ARNT2: variants seen among roughly 807,000 people sequenced by gnomAD.
ARNT2 encodes the protein aryl hydrocarbon receptor nuclear translocator 2, also known as ARNT protein 2.
Under a neutral mutation model 91.7 loss-of-function variants are expected in ARNT2, and 36 were observed. The observed-to-expected ratio is 0.39, with a 90% CI of 0.30 to 0.52. The LOEUF is 0.52. Among genes scored for constraint, ARNT2 ranks in the 20% least tolerant of loss-of-function variants. ARNT2 has a pLI of 0.72. For synonymous variants in ARNT2, 365 were observed against 347.1 expected, an observed-to-expected ratio of 1.05 and a Z score of -0.57; for missense variants, 775 against 939.3, an observed-to-expected ratio of 0.83 and a Z score of 2.29.
chr15:80,597,243 T>G lies in ARNT2; in HGVS notation c.*3545T>G, dbSNP rs750532044. ...TCCCGGCAGCACTTTAGGCAGCCCA[T>G]AAGCTATGCGAGAATGTGAACGCTC... On this transcript the variant is annotated 3_prime_UTR_variant, in exon 19 of 19. Transcript: ENST00000303329. 3 of 518,300 alleles carry G rather than the reference T, an allele frequency of 5.8e-6. No individual in the cohort carries two copies. Among genetic ancestry groups the G allele is most frequent in the Non-Finnish European group, 7.7e-6 (2 of 259,808 alleles). The allele number at this position is 518,300 out of a possible 1,614,324, so 32.1% of individuals were successfully genotyped here.
chr15:80,419,654 AC>A (rs1183680614), intron 1 of ARNT2, among the ~76,000 whole-genome samples: 1 of 151,930 alleles, frequency 6.6e-6, no homozygotes, highest in African/African-American at 2.4e-5. Flanking sequence ...GCCCTGGGAC[AC>A]CCCTACCTTT....
chr15:80,438,143 T>G (rs1896122030), intron 1 of ARNT2, among the ~76,000 whole-genome samples: 1 of 152,232 alleles, frequency 6.6e-6, no homozygotes, highest in African/African-American at 2.4e-5. Flanking sequence ...TTTTATTTAT[T>G]AGGATTCCTC....
At chr15:80,549,050 G>A (rs184934401) in intron 8 of ARNT2, among the ~76,000 whole-genome samples, 116 of 152,090 alleles carry the variant, frequency 7.6e-4, no homozygotes, top group African/African-American at 2.6e-3. Flanking sequence ...ATAGACAATT[G>A]GGCAGTGCAA....
rs144139009 is a variant in ARNT2 at position 80,540,739 on chromosome 15, C to T, written c.878-10460C>T. Among the ~76,000 whole-genome samples, 309 of 152,200 alleles carry T rather than the reference C, an allele frequency of 2.0e-3. 7 individuals are homozygous for T. The East Asian group carries it at 0.032, about 16-fold the overall frequency. ...TTTAGTTCCCACTTATAAGTGAGAA[C>T]ATGTGGTATTTGGCTCTCTGTTCCT... On this transcript the variant is annotated intron_variant, in intron 8 of 18. Transcript: ENST00000303329.
chr15:80,500,519 A>G (rs1897176767), intron 5 of ARNT2, among the ~76,000 whole-genome samples: 3 of 152,144 alleles, frequency 2.0e-5, no homozygotes, highest in African/African-American at 7.2e-5. Flanking sequence ...GAGAATTTTT[A>G]TGTGCACAAA....
chr15:80,404,597 C>T lies in ARNT2; in HGVS notation c.31+51C>T, dbSNP rs1476565936. 10 of 1,035,292 alleles carry T rather than the reference C, an allele frequency of 9.7e-6. No homozygotes were observed. The highest frequency in any genetic ancestry group is 1.2e-5 in the Non-Finnish European group (10 of 863,092). The allele number at this position is 1,035,292 out of a possible 1,614,324, so 64.1% of individuals were successfully genotyped here. ...CCCGCCGCAGCCCGCAGGCCTTGCC[C>T]GGGGCCGGAGCGGACCAGGCGCGCC... On this transcript the variant is annotated intron_variant, in intron 1 of 18. Transcript: ENST00000303329. The surrounding 1 kb of genome is among the most constrained non-coding windows in gnomAD (Gnocchi z 5.5).
intron 3 of ARNT2, among the ~76,000 whole-genome samples, chr15:80,463,760 T>G (rs12148720): frequency 6.6e-6 from 1 of 151,754 alleles, no homozygotes; most frequent in Non-Finnish European, 1.5e-5. Context: ...TTGTATTTTT[T>G]GTAGAGACAG....
At chr15:80,571,992 C>G (rs1461702528) in intron 12 of ARNT2, among the ~76,000 whole-genome samples, 1 of 152,178 alleles carries the variant, frequency 6.6e-6, no homozygotes, top group African/African-American at 2.4e-5. Context: ...AAACACCTGT[C>G]CATTTATGGC....
At chr15:80,450,756 C>A (rs1896376160) in intron 1 of ARNT2, 124 bp from the exon 2 acceptor site, 7 of 910,894 alleles carry the variant, frequency 7.7e-6, no homozygotes, top group African/African-American at 1.6e-5. Flanking sequence ...GGCAGAGCGG[C>A]CGCAGGATGC....
intron 1 of ARNT2, among the ~76,000 whole-genome samples, chr15:80,446,312 T>TA (rs1298313431): frequency 1.3e-5 from 2 of 152,286 alleles, no homozygotes; most frequent in Non-Finnish European, 2.9e-5. Flanking sequence ...CCTTAATACT[T>TA]ACAATAACCG....
At chr15:80,577,116 T>C (rs956259973) in intron 15 of ARNT2, 151 bp downstream of exon 15, 2 of 724,452 alleles carry the variant, frequency 2.8e-6, no homozygotes, top group African/African-American at 3.6e-5. Context: ...CTGGTGGCTC[T>C]GCTTCTGCTC....
chr15:80,460,142 C>T (rs895165886), intron 3 of ARNT2, among the ~76,000 whole-genome samples: 2 of 152,198 alleles, frequency 1.3e-5, no homozygotes, highest in African/African-American at 4.8e-5. Context: ...GAGCCAGCAC[C>T]CACCGTAGTT....
intron 5 of ARNT2, among the ~76,000 whole-genome samples, chr15:80,507,514 G>T (rs1211741671): frequency 6.6e-6 from 1 of 152,186 alleles, no homozygotes; most frequent in Non-Finnish European, 1.5e-5. Context: ...TGCTGATGGT[G>T]TGGCCCTGGG....
chr15:80,593,935 A>G lies in ARNT2; in HGVS notation c.*237A>G. The G allele has an allele frequency of 1.9e-6, 1 of 527,476 alleles. No homozygotes were observed. The highest frequency in any genetic ancestry group is 2.6e-5 in the South Asian group (1 of 38,636). The allele number at this position is 527,476 out of a possible 1,614,324, so 32.7% of individuals were successfully genotyped here. The stretch of plus-strand genomic sequence containing the variant: ...TTAGGGGATCAGTTGTATTTATTGT[A>G]TTTTATCTGTGTGTGCTCAGGAGGT... On this transcript the variant is annotated 3_prime_UTR_variant, in exon 19 of 19. Transcript: ENST00000303329.
chr15:80,565,637 T>A (rs565967924), intron 12 of ARNT2, among the ~76,000 whole-genome samples: 1 of 152,270 alleles, frequency 6.6e-6, no homozygotes, highest in Non-Finnish European at 1.5e-5. Flanking sequence ...TTAGCGATGA[T>A]GAGCATTTTT....
chr15:80,574,076 A>G, intron 12 of ARNT2, 72 bp from the exon 13 acceptor site: 3 of 1,326,368 alleles, frequency 2.3e-6, no homozygotes, highest in Admixed American at 1.7e-5. Context: ...GAGGTATGGG[A>G]AAAGTCCTGG....
At chr15:80,479,467 A>G (rs1896854446) in intron 5 of ARNT2, among the ~76,000 whole-genome samples, 2 of 152,158 alleles carry the variant, frequency 1.3e-5, no homozygotes, top group Non-Finnish European at 2.9e-5. Context: ...TACAACAATG[A>G]CACTGCTAGT....
At chr15:80,507,695 A>G (rs879535682) in intron 5 of ARNT2, among the ~76,000 whole-genome samples, 2 of 152,178 alleles carry the variant, frequency 1.3e-5, no homozygotes, top group Non-Finnish European at 2.9e-5. Flanking sequence ...CAGAGAGGAG[A>G]GAGGAATCGG....
chr15:80,597,090 C>T lies in ARNT2; in HGVS notation c.*3392C>T. On this transcript the variant is annotated 3_prime_UTR_variant, in exon 19 of 19. Transcript: ENST00000303329. Reference sequence around the variant, plus strand: ...TTGTTAAGGAACTTACACTGGGGAGCTTTACTCTTCCGTGTCAACAATGTG... The same window carrying T: ...TTGTTAAGGAACTTACACTGGGGAGTTTTACTCTTCCGTGTCAACAATGTG... 1.9e-6 allele frequency: 1 copy of T among 513,646 alleles called. No individual in the cohort carries two copies. Among genetic ancestry groups the T allele is most frequent in the Non-Finnish European group, 3.9e-6 (1 of 256,694 alleles). 31.8% of individuals were successfully genotyped at this position (513,646 alleles called of 1,614,324 possible). A position where few individuals can be genotyped will look rare whatever the true frequency, so the allele number is the denominator to read the frequency against.
Sources: gnomAD v4.1 joint callset for allele counts (sites outside exome capture counted in the v4.1 genomes callset) on GRCh38, gnomAD v4.1.1 for gene constraint, Gnocchi (gnomAD v3.1) non-coding constraint, MANE v1.5 for transcripts, NCBI Gene and HGNC (gene_info 2026-07-23, HGNC 2026-07-21) for gene names.